The following SP100 variants were observed in gnomAD, a reference collection of about 807,000 sequenced individuals.
SP100 encodes the protein SP100 nuclear body protein, also known as nuclear autoantigen Sp-100.
SP100 carries 84 observed loss-of-function variants against 130.0 expected under a neutral mutation model. The observed-to-expected ratio is 0.65, with a 90% CI of 0.54 to 0.77. SP100 has a LOEUF of 0.77. Among genes scored for constraint, SP100 ranks in the 30% least tolerant of loss-of-function variants. The probability of loss-of-function intolerance (pLI) is 0.00; values close to 1 mark genes in which losing one functional copy is unlikely to be tolerated. For missense variants in SP100, 978 were observed against 1,052.2 expected, an observed-to-expected ratio of 0.93 and a Z score of 0.97; for synonymous variants, 331 against 351.7, an observed-to-expected ratio of 0.94 and a Z score of 0.66.
intron 24 of SP100, among the ~76,000 whole-genome samples, chr2:230,521,651 A>G (rs1691175821): frequency 1.3e-5 from 2 of 152,172 alleles, no homozygotes; most frequent in Non-Finnish European, 2.9e-5. Context: ...GAGCAGCTGG[A>G]CCTAGATCAG....
At chr2:230,515,778 A>G (rs752040352) in intron 24 of SP100, 36 of 1,488,568 alleles carry the variant, frequency 2.4e-5, no homozygotes, top group Non-Finnish European at 2.9e-5. Context: ...GTTTTTTTGT[A>G]TAGTTAACCA....
intron 27 of SP100, 44 bp from the exon 28 acceptor site, chr2:230,541,848 A>G: frequency 6.3e-7 from 1 of 1,595,236 alleles, no homozygotes; most frequent in South Asian, 1.1e-5. Flanking sequence ...GTGGGAGTCT[A>G]TGGCACTGGG....
At chr2:230,472,505 T>C (rs1004399804) in intron 15 of SP100, among the ~76,000 whole-genome samples, 42 of 133,972 alleles carry the variant, frequency 3.1e-4, no homozygotes, top group Non-Finnish European at 5.7e-4. Context: ...AAGGAGGAAG[T>C]GATAGTAGAA....
intron 14 of SP100, chr2:230,469,406 G>A (rs1366869123): frequency 1.0e-5 from 5 of 500,096 alleles, no homozygotes; most frequent in Non-Finnish European, 1.6e-5. Flanking sequence ...TCTTTAAGAT[G>A]TTGCTTCCAT....
At chr2:230,454,969 G>T (rs2064195569) in intron 8 of SP100, among the ~76,000 whole-genome samples, 1 of 151,902 alleles carries the variant, frequency 6.6e-6, no homozygotes, top group Admixed American at 6.6e-5. Flanking sequence ...TCAAATATTG[G>T]GTGCATATGT....
At chr2:230,498,665 T>C (rs2066836319) in intron 19 of SP100, 130 bp downstream of exon 19, 1 of 450,098 alleles carries the variant, frequency 2.2e-6, no homozygotes, top group Non-Finnish European at 3.8e-6. Flanking sequence ...TGTAGTCAAG[T>C]TCCAAAATAT....
intron 2 of SP100, among the ~76,000 whole-genome samples, chr2:230,439,550 T>TTTG (rs147214851): frequency 0.17 from 25,583 of 151,492 alleles, 2,558 homozygotes; most frequent in African/African-American, 0.28. Flanking sequence ...TTTTTGGATT[T>TTTG]TTGTTGTTGT....
intron 2 of SP100, chr2:230,440,513 T>C (rs748474618): frequency 1.3e-5 from 17 of 1,312,866 alleles, no homozygotes; most frequent in African/African-American, 1.5e-5. Flanking sequence ...AAGATGTACA[T>C]GACTTCTAAA....
intron 3 of SP100, among the ~76,000 whole-genome samples, chr2:230,443,669 G>A (rs1034652435): frequency 6.6e-6 from 1 of 152,020 alleles, no homozygotes; most frequent in African/African-American, 2.4e-5. Flanking sequence ...TGGAATATGG[G>A]TAAATTCCAC....
intron 17 of SP100, among the ~76,000 whole-genome samples, chr2:230,484,432 G>T (rs1443818293): frequency 6.6e-6 from 1 of 152,162 alleles, no homozygotes; most frequent in East Asian, 1.9e-4. Flanking sequence ...AAATCTATTG[G>T]TACTTTTAGT....
At chr2:230,497,502 GAGAGGAGAGGA>G (rs2066741652) in intron 18 of SP100, among the ~76,000 whole-genome samples, 1 of 20,138 alleles carries the variant, frequency 5.0e-5, no homozygotes, top group African/African-American at 2.0e-4. Flanking sequence ...GAGAGGAGAG[GAGAGGAGAGGA>G]GAGGAGAGGA....
chr2:230,447,844 C>A (rs1349373353), intron 5 of SP100, among the ~76,000 whole-genome samples: 1 of 152,142 alleles, frequency 6.6e-6, no homozygotes. Flanking sequence ...TCCATCCCTC[C>A]TCTCCCCTCC....
intron 24 of SP100, among the ~76,000 whole-genome samples, chr2:230,524,468 T>C (rs1217464163): frequency 6.6e-6 from 1 of 152,090 alleles, no homozygotes; most frequent in Non-Finnish European, 1.5e-5. Flanking sequence ...GTTTATTTAA[T>C]CAAAACAGTT....
intron 22 of SP100, chr2:230,507,321 G>A (rs1242215897): frequency 1.3e-5 from 2 of 152,196 alleles, no homozygotes; most frequent in African/African-American, 4.8e-5. Flanking sequence ...TCAGTAGTAG[G>A]TTTGCACCTG....
chr2:230,441,012 A>T (rs2063448621), intron 2 of SP100, among the ~76,000 whole-genome samples: 1 of 152,150 alleles, frequency 6.6e-6, no homozygotes, highest in South Asian at 2.1e-4. Flanking sequence ...CCATCAAAAG[A>T]CATGATTAAG....
chr2:230,432,634 A>C (rs2063133158), intron 2 of SP100, among the ~76,000 whole-genome samples: 1 of 151,800 alleles, frequency 6.6e-6, no homozygotes, highest in Non-Finnish European at 1.5e-5. Flanking sequence ...ACATGTTTTT[A>C]TTTTTCATAT....
intron 24 of SP100, among the ~76,000 whole-genome samples, chr2:230,521,213 C>T (rs1055087342): frequency 1.3e-5 from 2 of 152,178 alleles, no homozygotes; most frequent in African/African-American, 4.8e-5. Context: ...ACCCAACTGT[C>T]CCATAGAACT....
rs189217515 is a variant in SP100 at position 230,447,223 on chromosome 2, G to A, written c.523+321G>A. 2.3e-4 allele frequency among the ~76,000 whole-genome samples: 35 copies of A among 152,256 alleles called. 1 individual carries two copies. The South Asian group carries it at 5.4e-3, about 23-fold the overall frequency. On this transcript the variant is annotated intron_variant, in intron 5 of 28. Coordinates refer to ENST00000340126, the MANE Select transcript of SP100 (RefSeq NM_001080391.2). ...TGCAAAGGGTTAAGAACCACAGCCC[G>A]TGGCCCGTGGTCAACATCAAAGAGG...
At chr2:230,474,567 G>T (rs2065441786) in intron 17 of SP100, 120 bp downstream of exon 17, 2 of 603,016 alleles carry the variant, frequency 3.3e-6, no homozygotes, top group Non-Finnish European at 2.9e-6. Flanking sequence ...GGGTGCATTT[G>T]CAGGTTTGTT....
Sources: allele counts gnomAD v4.1 joint callset (sites outside exome capture counted in the v4.1 genomes callset), GRCh38; gene constraint gnomAD v4.1.1; transcripts MANE v1.5; gene names NCBI Gene and HGNC (gene_info 2026-07-23, HGNC 2026-07-21).